The following RETREG1 variants were observed in gnomAD, a reference collection of about 807,000 sequenced individuals.
The protein encoded by RETREG1 is family with sequence similarity 134 member B.
Under a neutral mutation model 54.8 loss-of-function variants are expected in RETREG1, and 44 were observed. The observed-to-expected ratio is 0.80, with a 90% CI of 0.63 to 1.03. RETREG1 has a LOEUF of 1.03. Ranked by LOEUF, RETREG1 falls within the 50% of genes least tolerant of loss-of-function variation. The probability of loss-of-function intolerance (pLI) is 0.00; values close to 1 mark genes in which losing one functional copy is unlikely to be tolerated. For missense variants in RETREG1, 554 were observed against 605.1 expected (o/e 0.92, Z 0.89); for synonymous variants, 217 against 238.5 (o/e 0.91, Z 0.83).
rs79620229 is a variant in RETREG1, at chr5:16,539,201, C to T, written c.458+26562G>A. 5.5e-3 allele frequency among the ~76,000 whole-genome samples: 832 copies of T among 152,186 alleles called. 5 individuals carry two copies. The highest frequency in any genetic ancestry group is 0.019 in the African/African-American group (799 of 41,520). ...AGGTACATCCATAAAGGGGGCCACC[C>T]GAGGGAGGAAGAAGGGCCTGCCTTT... On this transcript the variant is annotated intron_variant, in intron 3 of 8. Coordinates refer to ENST00000306320, the MANE Select transcript of RETREG1 (RefSeq NM_001034850.3).
intron 5 of RETREG1, 94 bp downstream of exon 5, chr5:16,480,915 G>A (rs1738742696): frequency 1.2e-6 from 1 of 817,116 alleles, no homozygotes; most frequent in Admixed American, 1.8e-5. Flanking sequence ...TTATAGTTAA[G>A]AACTCATCCC....
chr5:16,514,674 C>T lies in RETREG1; in HGVS notation c.459-31202G>A, dbSNP rs1205038492. 6.6e-5 allele frequency among the ~76,000 whole-genome samples: 10 copies of T among 151,792 alleles called. No homozygotes were observed. The East Asian group carries it at 1.6e-3, about 24-fold the overall frequency. ...GTACCCAGTGTGCAGTCTTTTATCC[C>T]TCACCTCCCTCCCACCATTCCCCCC... On this transcript the variant is annotated intron_variant, in intron 3 of 8. Coordinates refer to ENST00000306320, the MANE Select transcript of RETREG1 (RefSeq NM_001034850.3).
At chr5:16,492,916 G>A (rs893702170) in intron 3 of RETREG1, among the ~76,000 whole-genome samples, 16 of 152,176 alleles carry the variant, frequency 1.1e-4, no homozygotes, top group African/African-American at 3.6e-4. Flanking sequence ...AAATTACATC[G>A]CACTCAACTT....
At chr5:16,584,899 A>C (rs1012938924) in intron 1 of RETREG1, among the ~76,000 whole-genome samples, 6 of 152,224 alleles carry the variant, frequency 3.9e-5, no homozygotes, top group African/African-American at 1.4e-4. Flanking sequence ...GGAAAGGACG[A>C]TCATCCGAAA....
rs996233349 is a variant in RETREG1, at chr5:16,510,470, T to C, written c.459-26998A>G. Among the ~76,000 whole-genome samples, 8 of 152,204 alleles carry C rather than the reference T, an allele frequency of 5.3e-5. No homozygotes were observed. In the South Asian group the frequency reaches 1.5e-3, roughly 28 times the overall value. On this transcript the variant is annotated intron_variant, in intron 3 of 8. Coordinates refer to ENST00000306320, the MANE Select transcript of RETREG1 (RefSeq NM_001034850.3). ...AAAAGTTGAAATGCTGAAAATATTA[T>C]CAATGATAATATTTTGGCACTTGTA...
intron 3 of RETREG1, among the ~76,000 whole-genome samples, chr5:16,496,776 C>T (rs147188793): frequency 6.6e-6 from 1 of 152,304 alleles, no homozygotes; most frequent in African/African-American, 2.4e-5. Flanking sequence ...ACACAACTGA[C>T]TCAGCAAGCA....
intron 3 of RETREG1, among the ~76,000 whole-genome samples, chr5:16,560,838 A>G (rs1376280585): frequency 1.3e-5 from 2 of 152,242 alleles, no homozygotes; most frequent in Non-Finnish European, 2.9e-5. Context: ...CACTGCAGAC[A>G]ACATATCGAA....
At chr5:16,598,397 G>C (rs1437011312) in intron 1 of RETREG1, among the ~76,000 whole-genome samples, 2 of 152,172 alleles carry the variant, frequency 1.3e-5, no homozygotes, top group African/African-American at 4.8e-5. Context: ...CCAGTGTCTA[G>C]CACAGTGATT....
chr5:16,561,714 T>C lies in RETREG1; in HGVS notation c.458+4049A>G, dbSNP rs909571765. ...CCTTCGGTTCTGCTGTGCTAATATT[T>C]TTTCCAAATCATCATTAAACACTCA... is the stretch of plus-strand genomic sequence containing the variant. On this transcript the variant is annotated intron_variant, in intron 3 of 8. Transcript: ENST00000306320. The surrounding 1 kb of genome is among the most constrained non-coding windows in gnomAD (Gnocchi z 4.2). Among the ~76,000 whole-genome samples, 1 of 152,102 alleles carries C rather than the reference T, an allele frequency of 6.6e-6. No individual in the cohort carries two copies. Among genetic ancestry groups the C allele is most frequent in the African/African-American group, 2.4e-5 (1 of 41,414 alleles).
intron 3 of RETREG1, among the ~76,000 whole-genome samples, chr5:16,542,754 C>T (rs958785561): frequency 2.6e-5 from 4 of 152,204 alleles, no homozygotes. Flanking sequence ...CCATGAAACT[C>T]CTACTGACTT....
In RETREG1 at chr5:16,565,778, C is replaced by G. The variant is rs752534676; in HGVS notation, c.443G>C (p.Arg148Thr). ...LSRTRGAQLWRSLSESWEVIN... is the reference protein window; with the variant it reads ...LSRTRGAQLWTSLSESWEVIN... ...AGTTCCCTACCTTTCACTGAGGCTTCTCCACAACTGTGCACCTGCAACAGG... is the reference window on the plus strand; with the variant it reads ...AGTTCCCTACCTTTCACTGAGGCTTGTCCACAACTGTGCACCTGCAACAGG... Residue 148 changes from arginine to threonine, a missense_variant, in exon 3 of 9, where the codon AGA (arginine) becomes ACA (threonine). This residue lies in a region of RETREG1 where 347 missense variants were observed against 412.3 expected (regional missense o/e 0.84). Transcript: ENST00000306320. 1.1e-5 allele frequency: 17 copies of G among 1,613,910 alleles called. No individual in the cohort carries two copies. Among genetic ancestry groups the G allele is most frequent in the Non-Finnish European group, 1.4e-5 (17 of 1,180,014 alleles).
chr5:16,508,639 G>A, intron 3 of RETREG1: 2 of 1,613,952 alleles, frequency 1.2e-6, no homozygotes, highest in Non-Finnish European at 1.7e-6. Context: ...TAATAACAGT[G>A]GCAAAGGCTG....
In RETREG1 at chr5:16,561,688, TC is replaced by T. The variant is rs149629532; in HGVS notation, c.458+4074del. On this transcript the variant is annotated intron_variant, in intron 3 of 8. Transcript: ENST00000306320. This position sits in a 1 kb window ranked among gnomAD's most constrained non-coding sequence, Gnocchi z 4.2. ...CAAACCTAACAGTTAGCAAAGTATG[TC>T]CTTCGGTTCTGCTGTGCTAATATTT... Among the ~76,000 whole-genome samples, 4 of 152,156 alleles carry T rather than the reference TC, an allele frequency of 2.6e-5. No individual in the cohort carries two copies. The highest frequency in any genetic ancestry group is 4.4e-5 in the Non-Finnish European group (3 of 68,026).
chr5:16,510,660 C>T (rs772705795), intron 3 of RETREG1, among the ~76,000 whole-genome samples: 9 of 151,692 alleles, frequency 5.9e-5, no homozygotes, highest in Non-Finnish European at 8.8e-5. Context: ...CGTGGTGACG[C>T]ATGCCTGTAA....
intron 3 of RETREG1, among the ~76,000 whole-genome samples, chr5:16,563,959 C>A (rs1191487466): frequency 1.3e-5 from 2 of 152,138 alleles, no homozygotes; most frequent in African/African-American, 2.4e-5. Context: ...TCTTAAATTT[C>A]TGTTTCCAAT....
chr5:16,537,694 C>G (rs1741118235), intron 3 of RETREG1, among the ~76,000 whole-genome samples: 2 of 152,024 alleles, frequency 1.3e-5, no homozygotes, highest in South Asian at 4.1e-4. Flanking sequence ...AAGACTCTGT[C>G]CCCACCCAAA....
intron 3 of RETREG1, among the ~76,000 whole-genome samples, chr5:16,487,474 G>A (rs576843757): frequency 2.0e-5 from 3 of 151,992 alleles, no homozygotes; most frequent in East Asian, 1.9e-4. Context: ...TTCCATCCTC[G>A]TAGCCAGTCC....
At chr5:16,512,052 C>T (rs924625041) in intron 3 of RETREG1, among the ~76,000 whole-genome samples, 3 of 150,928 alleles carry the variant, frequency 2.0e-5, no homozygotes, top group African/African-American at 7.5e-5. Context: ...CGACAAGTGT[C>T]CCCCCACTGA....
intron 3 of RETREG1, among the ~76,000 whole-genome samples, chr5:16,533,195 C>G (rs985808540): frequency 2.0e-5 from 3 of 152,124 alleles, no homozygotes; most frequent in Non-Finnish European, 4.4e-5. Flanking sequence ...CAGGCACCCG[C>G]CACCACACCC....
Sources: gnomAD v4.1 joint callset for allele counts (sites outside exome capture counted in the v4.1 genomes callset) on GRCh38, gnomAD v4.1.1 for gene constraint, gnomAD v4.1.1 regional missense constraint, Gnocchi (gnomAD v3.1) non-coding constraint, MANE v1.5 for transcripts, NCBI Gene and HGNC (gene_info 2026-07-23, HGNC 2026-07-21) for gene names.